CHRM3: variants seen among roughly 807,000 people sequenced by gnomAD.
CHRM3 encodes muscarinic acetylcholine receptor M3.
In CHRM3, 11 loss-of-function variants were observed where a neutral mutation model predicts 41.8. That is an observed-to-expected ratio of 0.26 (90% CI 0.17 to 0.44). The LOEUF (loss-of-function observed/expected upper bound fraction) is 0.44, where lower values mean the gene tolerates loss of function less well. Ranked by LOEUF, CHRM3 falls within the 20% of genes least tolerant of loss-of-function variation. The pLI is 1.00. For missense variants in CHRM3, 571 were observed against 745.4 expected (o/e 0.77, Z 2.72); for synonymous variants, 297 against 301.4 (o/e 0.99, Z 0.15).
chr1:239,905,614 G>A (rs1029527262), intron 6 of CHRM3, among the ~76,000 whole-genome samples: 7 of 152,150 alleles, frequency 4.6e-5, no homozygotes, highest in African/African-American at 1.4e-4. Flanking sequence ...GCTGAAGCAT[G>A]AGAATCACTT....
chr1:239,403,315 T>C (rs1298388292), intron 1 of CHRM3, among the ~76,000 whole-genome samples: 1 of 152,240 alleles, frequency 6.6e-6, no homozygotes, highest in Non-Finnish European at 1.5e-5. Context: ...TGGCACATAA[T>C]AGACTTTCAT....
intron 1 of CHRM3, among the ~76,000 whole-genome samples, chr1:239,424,148 C>T (rs575412610): frequency 1.1e-4 from 16 of 151,680 alleles, no homozygotes; most frequent in African/African-American, 2.9e-4. Context: ...CTTTTAGTTG[C>T]GCAATGTGCT....
chr1:239,583,429 C>T (rs1663095154), intron 3 of CHRM3, among the ~76,000 whole-genome samples: 1 of 152,082 alleles, frequency 6.6e-6, no homozygotes, highest in Non-Finnish European at 1.5e-5. Flanking sequence ...TGGCAATGTG[C>T]TAGACGTGAG....
At chr1:239,447,494 C>T (rs1664237030) in intron 1 of CHRM3, among the ~76,000 whole-genome samples, 1 of 151,986 alleles carries the variant, frequency 6.6e-6, no homozygotes, top group Non-Finnish European at 1.5e-5. Context: ...AGAAAACAAA[C>T]AAAAATACCT....
At chr1:239,890,831 G>A (rs995737646) in intron 6 of CHRM3, among the ~76,000 whole-genome samples, 20 of 152,126 alleles carry the variant, frequency 1.3e-4, no homozygotes, top group African/African-American at 4.3e-4. Context: ...AATTCCTTTG[G>A]AGAAGCTTGG....
At chr1:239,523,742 G>A (rs1669809465) in intron 2 of CHRM3, among the ~76,000 whole-genome samples, 1 of 152,144 alleles carries the variant, frequency 6.6e-6, no homozygotes, top group African/African-American at 2.4e-5. Flanking sequence ...TACGTGTCAG[G>A]AGGGCCGAAA....
intron 1 of CHRM3, among the ~76,000 whole-genome samples, chr1:239,468,709 G>A (rs1665903531): frequency 6.6e-6 from 1 of 152,148 alleles, no homozygotes; most frequent in Non-Finnish European, 1.5e-5. Flanking sequence ...CAAATTTAAT[G>A]TCATAATATG....
At chr1:239,865,289 A>G (rs970081820) in intron 6 of CHRM3, among the ~76,000 whole-genome samples, 1 of 152,370 alleles carries the variant, frequency 6.6e-6, no homozygotes, top group Non-Finnish European at 1.5e-5. Flanking sequence ...ACCATGGGAT[A>G]CATCAACATG....
At chr1:239,469,549 A>C (rs1665964442) in intron 1 of CHRM3, among the ~76,000 whole-genome samples, 1 of 152,072 alleles carries the variant, frequency 6.6e-6, no homozygotes. Flanking sequence ...TTTTTTAAAA[A>C]ATTTTTTTAT....
At chr1:239,636,447 T>G (rs2148894893) in intron 4 of CHRM3, among the ~76,000 whole-genome samples, 1 of 152,306 alleles carries the variant, frequency 6.6e-6, no homozygotes, top group Non-Finnish European at 1.5e-5. Context: ...CACAGGGTGT[T>G]AATGTATTAA....
chr1:239,656,333 A>T (rs1368875895), intron 4 of CHRM3, among the ~76,000 whole-genome samples: 2 of 151,580 alleles, frequency 1.3e-5, no homozygotes, highest in East Asian at 1.9e-4. Context: ...TTTTTTTTTA[A>T]AAAAAGGGTT....
At chr1:239,618,280 T>TTTC (rs1553341446) in intron 3 of CHRM3, among the ~76,000 whole-genome samples, 6 of 138,754 alleles carry the variant, frequency 4.3e-5, no homozygotes, top group Non-Finnish European at 6.2e-5. Flanking sequence ...TTTCTTTCTT[T>TTTC]TTTTTTTTTT....
At chr1:239,519,882 G>A (rs1669521184) in intron 2 of CHRM3, among the ~76,000 whole-genome samples, 1 of 150,976 alleles carries the variant, frequency 6.6e-6, no homozygotes, top group Non-Finnish European at 1.5e-5. Flanking sequence ...CTAGTAGCTG[G>A]GACCACAGGC....
intron 3 of CHRM3, among the ~76,000 whole-genome samples, chr1:239,577,214 C>G (rs1050669889): frequency 6.6e-6 from 1 of 152,108 alleles, no homozygotes; most frequent in African/African-American, 2.4e-5. Context: ...ACTCTCCCAG[C>G]CTTTTCCTTC....
chr1:239,592,024 G>A (rs2148643271), intron 3 of CHRM3, among the ~76,000 whole-genome samples: 1 of 152,246 alleles, frequency 6.6e-6, no homozygotes, highest in Non-Finnish European at 1.5e-5. Flanking sequence ...CTCTGAGCTG[G>A]CAGAACAAAT....
intron 5 of CHRM3, among the ~76,000 whole-genome samples, chr1:239,693,961 G>A (rs1279069820): frequency 6.6e-6 from 1 of 152,076 alleles, no homozygotes; most frequent in Non-Finnish European, 1.5e-5. Flanking sequence ...ATGACAGAAA[G>A]CCATATTTCA....
intron 4 of CHRM3, among the ~76,000 whole-genome samples, chr1:239,652,451 A>T (rs1672325625): frequency 6.6e-6 from 1 of 152,222 alleles, no homozygotes; most frequent in South Asian, 2.1e-4. Flanking sequence ...ACTATGAGAG[A>T]TAAATAAGAT....
At chr1:239,784,233 T>G (rs1668721948) in intron 5 of CHRM3, among the ~76,000 whole-genome samples, 1 of 152,208 alleles carries the variant, frequency 6.6e-6, no homozygotes, top group African/African-American at 2.4e-5. Context: ...CTGTCTGAAA[T>G]TAATATGACT....
At position 239,839,523 on chromosome 1, in the gene CHRM3, A is replaced by G. The variant is rs548587268; in HGVS notation, c.-20+12145A>G. ...CAAGAGAGCTTCAACTTAATTCTAGATTATGGGAATCCATGGAACATGTTT... is the reference window on the plus strand; with the variant it reads ...CAAGAGAGCTTCAACTTAATTCTAGGTTATGGGAATCCATGGAACATGTTT... On this transcript the variant is annotated intron_variant, in intron 6 of 6. Transcript: ENST00000676153. Among the ~76,000 whole-genome samples, 66 of 152,342 alleles carry G rather than the reference A, an allele frequency of 4.3e-4. 1 individual carries two copies. Among genetic ancestry groups the G allele is most frequent in the African/African-American group, 1.5e-3 (62 of 41,580 alleles).
Sources: allele counts gnomAD v4.1 joint callset (sites outside exome capture counted in the v4.1 genomes callset), GRCh38; gene constraint gnomAD v4.1.1; transcripts MANE v1.5; gene names NCBI Gene and HGNC (gene_info 2026-07-23, HGNC 2026-07-21).